GPLD1: variants seen among roughly 807,000 people sequenced by gnomAD.
GPLD1 encodes glycosylphosphatidylinositol specific phospholipase D1.
A neutral mutation model predicts 112.6 loss-of-function variants in GPLD1; 84 were observed. The ratio of observed to expected loss-of-function variants is 0.75; its 90% CI spans 0.63 to 0.89. The LOEUF is 0.89. GPLD1 is among the 40% of genes least tolerant of loss of function. The pLI, the probability that GPLD1 is intolerant of heterozygous loss-of-function variation, is 0.00. For missense variants in GPLD1, 1,044 were observed against 1,051.5 expected, an observed-to-expected ratio of 0.99 and a Z score of 0.10; for synonymous variants, 386 against 403.8, an observed-to-expected ratio of 0.96 and a Z score of 0.53.
chr6:24,436,571 C>T lies in GPLD1; in HGVS notation c.2358+5G>A, dbSNP rs7751846. On this transcript the variant is annotated splice_donor_5th_base_variant and intron_variant, in intron 22 of 24. Transcript: ENST00000230036. ...ATAAGTTATAGAATTTTGTAGAACA[C>T]TTACCTTTTCTTCTGGACATGGAGT... The T allele has an allele frequency of 0.029, 46,992 of 1,611,754 alleles. 1,865 individuals carry two copies. Among genetic ancestry groups the T allele is most frequent in the African/African-American group, 0.19 (14,416 of 74,912 alleles).
At chr6:24,435,082 A>C (rs1170734423) in intron 22 of GPLD1, among the ~76,000 whole-genome samples, 1 of 143,966 alleles carries the variant, frequency 6.9e-6, no homozygotes, top group South Asian at 2.2e-4. Context: ...CATGATCTCG[A>C]CTCACTGCAA....
intron 24 of GPLD1, among the ~76,000 whole-genome samples, chr6:24,430,212 T>G (rs1762359427): frequency 6.6e-6 from 1 of 152,214 alleles, no homozygotes; most frequent in African/African-American, 2.4e-5. Flanking sequence ...ATTTATGGAA[T>G]TACTCATTTA....
At chr6:24,495,055 C>T (rs1270587368) in exon 1 of GPLD1, 3 of 1,351,868 alleles carry the variant, frequency 2.2e-6, no homozygotes, top group South Asian at 2.1e-5. Flanking sequence ...TCGACGTTTC[C>T]AGGCTGCCGC....
chr6:24,471,607 A>G lies in GPLD1; in HGVS notation c.545+975T>C, dbSNP rs555563877. Among the ~76,000 whole-genome samples the G allele has an allele frequency of 8.5e-5, 13 of 152,368 alleles. 1 individual carries two copies. Among genetic ancestry groups the G allele is most frequent in the African/African-American group, 3.1e-4 (13 of 41,596 alleles). The stretch of plus-strand genomic sequence containing the variant: ...TAAAATTAGATTTACATCTCAGAAC[A>G]TACAAAAAATTAACTCCAGTTAAAT... On this transcript the variant is annotated intron_variant, in intron 7 of 24. Transcript: ENST00000230036.
intron 7 of GPLD1, among the ~76,000 whole-genome samples, chr6:24,471,567 C>A (rs1763825178): frequency 6.6e-6 from 1 of 152,164 alleles, no homozygotes; most frequent in Non-Finnish European, 1.5e-5. Context: ...AATCCATTAT[C>A]TCCAGAGGAA....
At chr6:24,457,989 T>C (rs1447354776) in intron 12 of GPLD1, among the ~76,000 whole-genome samples, 4 of 151,932 alleles carry the variant, frequency 2.6e-5, no homozygotes, top group Non-Finnish European at 5.9e-5. Context: ...CCACAGAATT[T>C]GGGGGACAAC....
In GPLD1 at chr6:24,428,253, T is replaced by C. The variant is rs1762299390; in HGVS notation, c.*779A>G. 1 of 152,082 alleles carries C rather than the reference T, an allele frequency of 6.6e-6. No individual in the cohort carries two copies. The highest frequency in any genetic ancestry group is 2.1e-4 in the South Asian group (1 of 4,814). 9.4% of individuals were successfully genotyped at this position (152,082 alleles called of 1,614,324 possible). On this transcript the variant is annotated 3_prime_UTR_variant, in exon 25 of 25. Transcript: ENST00000230036. ...TTTAAGTTCAACTTTTTTTTAACTT[T>C]TAAGTTCAGGGGTACATGCGCAGGA...
chr6:24,455,743 C>G (rs1043996177), intron 13 of GPLD1, among the ~76,000 whole-genome samples: 1 of 152,194 alleles, frequency 6.6e-6, no homozygotes, highest in African/African-American at 2.4e-5. Flanking sequence ...TCTCCAAGAA[C>G]ATCAGAGCTT....
upstream of GPLD1, among the ~76,000 whole-genome samples, chr6:24,492,961 C>G (rs752837003): frequency 3.3e-5 from 5 of 152,180 alleles, no homozygotes; most frequent in Non-Finnish European, 5.9e-5. Flanking sequence ...TTCTTTTCTT[C>G]AGATTTTAGA....
chr6:24,460,406 A>G lies in GPLD1; in HGVS notation c.888-7T>C. 1 of 1,613,384 alleles carries G rather than the reference A, an allele frequency of 6.2e-7. No homozygotes were observed. The highest frequency in any genetic ancestry group is 1.3e-5 in the African/African-American group (1 of 74,990). The stretch of plus-strand genomic sequence containing the variant: ...ATTTTTCTGCATTTTTGAGCTGTTG[A>G]AGAGAAAGAGGAATAAACTGGTTAC... On this transcript the variant is annotated splice_polypyrimidine_tract_variant and splice_region_variant and intron_variant, in intron 11 of 24. Transcript: ENST00000230036.
At chr6:24,434,196 G>A (rs1044609913) in intron 22 of GPLD1, among the ~76,000 whole-genome samples, 21 of 151,894 alleles carry the variant, frequency 1.4e-4, no homozygotes, top group African/African-American at 3.9e-4. Context: ...TCAGGAGTTC[G>A]AGACCAGCTT....
intron 14 of GPLD1, among the ~76,000 whole-genome samples, chr6:24,450,138 G>C (rs1210776167): frequency 6.6e-6 from 1 of 152,240 alleles, no homozygotes; most frequent in East Asian, 1.9e-4. Context: ...TAGAGGGTTG[G>C]TTCTTATGAG....
rs2298060 is a variant in GPLD1, at chr6:24,426,594, G to A, written c.*2438C>T. ...TAAATAATGGTCATGTTTAAACAGA[G>A]GCCTTATCATTTAGTGAAGCATAAA... On this transcript the variant is annotated 3_prime_UTR_variant, in exon 25 of 25. Transcript: ENST00000230036. 0.12 allele frequency among the ~76,000 whole-genome samples: 18,600 copies of A among 151,960 alleles called. 1,447 individuals carry two copies. The highest frequency in any genetic ancestry group is 0.16 in the East Asian group (816 of 5,160).
At chr6:24,493,464 A>G (rs189242059), upstream of GPLD1, among the ~76,000 whole-genome samples, 2 of 152,268 alleles carry the variant, frequency 1.3e-5, no homozygotes, top group Admixed American at 6.5e-5. Flanking sequence ...TGACAGAATG[A>G]GTCTGTCGGT....
intron 13 of GPLD1, 74 bp downstream of exon 13, chr6:24,456,421 TAAA>T (rs1763270958): frequency 1.0e-6 from 1 of 955,044 alleles, no homozygotes; most frequent in East Asian, 2.6e-5. Flanking sequence ...TAAAATGAAA[TAAA>T]AAACAGTTGC....
intron 24 of GPLD1, among the ~76,000 whole-genome samples, chr6:24,430,605 TACTTA>T (rs1280875024): frequency 4.1e-5 from 1 of 24,420 alleles, no homozygotes; most frequent in Non-Finnish European, 1.4e-4. Context: ...GAGCACTACT[TACTTA>T]AGTAGACGCC....
intron 24 of GPLD1, among the ~76,000 whole-genome samples, chr6:24,432,319 C>T (rs185275038): frequency 7.9e-5 from 12 of 151,426 alleles, no homozygotes; most frequent in African/African-American, 1.2e-4. Flanking sequence ...AACTCTGGGC[C>T]GGGTGCAGTG....
Position 24,466,711 on chromosome 6 carries a change from G to T in GPLD1, c.790C>A (p.Leu264Ile), listed in dbSNP as rs1763628932. 1 of 1,612,328 alleles carries T rather than the reference G, an allele frequency of 6.2e-7. No individual in the cohort carries two copies. Among genetic ancestry groups the T allele is most frequent in the East Asian group, 2.2e-5 (1 of 44,870 alleles). Residue 264 changes from leucine to isoleucine, a missense_variant, in exon 10 of 25, where the codon CTA (leucine) becomes ATA (isoleucine). By Grantham distance (5) the Leu-to-Ile change is conservative. Coordinates refer to ENST00000230036, the MANE Select transcript of GPLD1 (RefSeq NM_001503.4). ...CCATTCTCCAACATGAAGCTTGTTAGATGGTAAATATTAGTGGACCAAAAT... is the reference window on the plus strand; with the variant it reads ...CCATTCTCCAACATGAAGCTTGTTATATGGTAAATATTAGTGGACCAAAAT... ...MAFWSTNIYHLTSFMLENGTS... is the reference protein window; with the variant it reads ...MAFWSTNIYHITSFMLENGTS...
chr6:24,490,123 A>T (rs939831410), upstream of GPLD1, among the ~76,000 whole-genome samples: 30 of 152,178 alleles, frequency 2.0e-4, no homozygotes, highest in African/African-American at 7.0e-4. Flanking sequence ...TGGTCTCTCT[A>T]CCTCTGGCTG....
Sources: gnomAD v4.1 joint callset for allele counts (sites outside exome capture counted in the v4.1 genomes callset) on GRCh38, gnomAD v4.1.1 for gene constraint, MANE v1.5 for transcripts, NCBI Gene and HGNC (gene_info 2026-07-23, HGNC 2026-07-21) for gene names.